AIMP1: variants seen among roughly 807,000 people sequenced by gnomAD.
The protein encoded by AIMP1 is aminoacyl tRNA synthetase complex interacting multifunctional protein 1, also known as aminoacyl tRNA synthase complex-interacting multifunctional protein 1.
Under a neutral mutation model 33.1 loss-of-function variants are expected in AIMP1, and 24 were observed. That is an observed-to-expected ratio of 0.73 (90% CI 0.53 to 1.02). AIMP1 has a LOEUF of 1.02. AIMP1 is among the 50% of genes least tolerant of loss of function. The probability of loss-of-function intolerance (pLI) is 0.00; values close to 1 mark genes in which losing one functional copy is unlikely to be tolerated. For missense variants in AIMP1, 367 were observed against 364.8 expected (o/e 1.01, Z -0.05); for synonymous variants, 120 against 121.5 (o/e 0.99, Z 0.08).
chr4:106,336,545 A>G (rs1413512006), intron 5 of AIMP1, among the ~76,000 whole-genome samples: 1 of 152,194 alleles, frequency 6.6e-6, no homozygotes, highest in Non-Finnish European at 1.5e-5. Context: ...AGGAGTGTCA[A>G]CTTTATGCAT....
Position 106,336,971 on chromosome 4 carries a change from A to T in AIMP1, c.706A>T (p.Ile236Phe), listed in dbSNP as rs2125926203. ...CATGTGTGCTAGTTCACCAGAGAAA[A>T]TTGAAATCTTGGCTCCTCCAAATGG... is the stretch of plus-strand genomic sequence containing the variant. ...MVMCASSPEK[I>F]EILAPPNGSV... Residue 236 changes from isoleucine to phenylalanine, a missense_variant, in exon 6 of 7, where the codon ATT (isoleucine) becomes TTT (phenylalanine). Transcript: ENST00000672341. The T allele has an allele frequency of 6.2e-7, 1 of 1,614,140 alleles. No individual in the cohort carries two copies.
chr4:106,345,877 A>C (rs1770279099), intron 6 of AIMP1, among the ~76,000 whole-genome samples: 1 of 148,186 alleles, frequency 6.7e-6, no homozygotes, highest in South Asian at 2.1e-4. Context: ...TTATATTCCT[A>C]ATATAAAATA....
At chr4:106,332,709 T>G (rs1425325820) in intron 5 of AIMP1, among the ~76,000 whole-genome samples, 1 of 150,690 alleles carries the variant, frequency 6.6e-6, no homozygotes, top group East Asian at 1.9e-4. Context: ...TATAGATATA[T>G]ATATATATAC....
intron 6 of AIMP1, among the ~76,000 whole-genome samples, chr4:106,339,533 C>T (rs760974362): frequency 6.6e-6 from 1 of 152,234 alleles, no homozygotes; most frequent in Non-Finnish European, 1.5e-5. Context: ...TGGCGGCCTC[C>T]ACTGCCATGT....
At position 106,331,706 on chromosome 4, in the gene AIMP1, TG is replaced by T. The variant is rs752403640; in HGVS notation, c.428del (p.Gly143GlufsTer8). ...AGGAGAAAAAACAGCAATCAATAGCTGGAAGTGCCGACTCTAAGCCAATAGA... is the reference window on the plus strand; with the variant it reads ...AGGAGAAAAAACAGCAATCAATAGCTGAAGTGCCGACTCTAAGCCAATAGA... Reference protein sequence around the residue: ...KKEKKQQSIAGSADSKPIDVS... With the variant: ...KKEKKQQSIAXSADSKPIDVS... On this transcript the variant is annotated frameshift_variant, in exon 5 of 7. Transcript: ENST00000672341. LOFTEE classifies it high-confidence loss of function. 4.3e-6 allele frequency: 7 copies of T among 1,614,016 alleles called. No individual in the cohort carries two copies. In the South Asian group the frequency reaches 7.7e-5, roughly 18 times the overall value.
intron 1 of AIMP1, among the ~76,000 whole-genome samples, chr4:106,319,788 A>G (rs1454016910): frequency 6.6e-6 from 1 of 152,196 alleles, no homozygotes; most frequent in Non-Finnish European, 1.5e-5. Context: ...GTTTTAGAGA[A>G]TACTAGTTCA....
At chr4:106,336,195 G>A (rs1310348416) in intron 5 of AIMP1, among the ~76,000 whole-genome samples, 2 of 150,502 alleles carry the variant, frequency 1.3e-5, no homozygotes, top group African/African-American at 2.4e-5. Flanking sequence ...ACCATGCCCA[G>A]CGAATTTTTT....
At chr4:106,331,969 T>A in intron 5 of AIMP1, 86 bp downstream of exon 5, 1 of 1,264,306 alleles carries the variant, frequency 7.9e-7, no homozygotes, top group Non-Finnish European at 1.2e-6. Context: ...TAATTTTGTA[T>A]ACCATACAAC....
Position 106,349,120 on chromosome 4 carries a change from G to A in AIMP1, c.*1428G>A, listed in dbSNP as rs1237976346. The A allele has an allele frequency of 6.6e-6, 1 of 152,028 alleles. No individual in the cohort carries two copies. The highest frequency in any genetic ancestry group is 1.5e-5 in the Non-Finnish European group (1 of 67,996). 9.4% of individuals were successfully genotyped at this position (152,028 alleles called of 1,614,324 possible). On this transcript the variant is annotated 3_prime_UTR_variant, in exon 7 of 7. Coordinates refer to ENST00000672341, the MANE Select transcript of AIMP1 (RefSeq NM_001142416.2). Reference sequence around the variant, plus strand: ...ATGTGATATTCTGAAAATATGAACTGAGCGTCATTAACAATTGTTGGTACC... The same window carrying A: ...ATGTGATATTCTGAAAATATGAACTAAGCGTCATTAACAATTGTTGGTACC...
chr4:106,318,063 C>T (rs1263046679), intron 1 of AIMP1, among the ~76,000 whole-genome samples: 1 of 152,148 alleles, frequency 6.6e-6, no homozygotes, highest in Non-Finnish European at 1.5e-5. Flanking sequence ...ATAGTCATTC[C>T]TTATAGCCAT....
chr4:106,344,801 G>T (rs982537493), intron 6 of AIMP1, among the ~76,000 whole-genome samples: 1 of 150,914 alleles, frequency 6.6e-6, no homozygotes, highest in Non-Finnish European at 1.5e-5. Flanking sequence ...TGCATGATTC[G>T]CTTACTCATC....
At chr4:106,333,296 TA>T (rs1769749394) in intron 5 of AIMP1, among the ~76,000 whole-genome samples, 1 of 152,230 alleles carries the variant, frequency 6.6e-6, no homozygotes, top group South Asian at 2.1e-4. Context: ...TCATTTCCTT[TA>T]CTTATTTGGT....
chr4:106,322,066 T>C (rs969862123), intron 1 of AIMP1, among the ~76,000 whole-genome samples: 5 of 152,152 alleles, frequency 3.3e-5, no homozygotes, highest in Non-Finnish European at 5.9e-5. Flanking sequence ...ATGTGCTTTG[T>C]TAAACAGATG....
intron 5 of AIMP1, among the ~76,000 whole-genome samples, chr4:106,334,064 T>C (rs1363714451): frequency 6.6e-6 from 1 of 152,174 alleles, no homozygotes; most frequent in Admixed American, 6.5e-5. Flanking sequence ...CCCATGGTGC[T>C]TCAGAGATAT....
At chr4:106,341,299 T>G (rs941392304) in intron 6 of AIMP1, among the ~76,000 whole-genome samples, 2 of 152,216 alleles carry the variant, frequency 1.3e-5, no homozygotes, top group Non-Finnish European at 2.9e-5. Flanking sequence ...CAATTGCTTT[T>G]GGAGACTTCG....
chr4:106,340,784 A>G (rs184707129), intron 6 of AIMP1, among the ~76,000 whole-genome samples: 4 of 152,062 alleles, frequency 2.6e-5, no homozygotes, highest in Admixed American at 6.5e-5. Flanking sequence ...AGAATATTCT[A>G]TTTTTCTTTG....
intron 5 of AIMP1, among the ~76,000 whole-genome samples, chr4:106,334,637 C>A (rs1769807703): frequency 6.6e-6 from 1 of 151,942 alleles, no homozygotes. Context: ...GAAATATTAC[C>A]AAGGTGTAAG....
In AIMP1 at chr4:106,331,731, G is replaced by C; in HGVS notation, c.451G>C (p.Asp151His). 1.2e-6 allele frequency: 2 copies of C among 1,614,074 alleles called. No homozygotes were observed. The highest frequency in any genetic ancestry group is 1.7e-6 in the Non-Finnish European group (2 of 1,179,988). ...IAGSADSKPI[D>H]VSRLDLRIGC... ...TGGAAGTGCCGACTCTAAGCCAATA[G>C]ATGTTTCCCGTCTGGATCTTCGAAT... Residue 151 changes from aspartate (D) to histidine (H), a missense_variant, in exon 5 of 7, where the codon GAT becomes CAT. Asp to His is a moderately conservative substitution (Grantham distance 81, BLOSUM62 -1). Transcript: ENST00000672341.
intron 1 of AIMP1, among the ~76,000 whole-genome samples, chr4:106,318,156 A>G (rs1356675320): frequency 6.6e-6 from 1 of 152,194 alleles, no homozygotes; most frequent in Admixed American, 6.5e-5. Flanking sequence ...GAACTTCCAT[A>G]AAAAAGCAAT....
Sources: gnomAD v4.1 joint callset for allele counts (sites outside exome capture counted in the v4.1 genomes callset) on GRCh38, gnomAD v4.1.1 for gene constraint, MANE v1.5 for transcripts, NCBI Gene and HGNC (gene_info 2026-07-23, HGNC 2026-07-21) for gene names.